The following MYH15 variants were observed in gnomAD, a reference collection of about 807,000 sequenced individuals.
MYH15 encodes the protein myosin-15.
MYH15 carries 227 observed loss-of-function variants against 240.5 expected under a neutral mutation model. That is an observed-to-expected ratio of 0.94 (90% CI 0.85 to 1.05). The LOEUF (loss-of-function observed/expected upper bound fraction) is 1.05, where lower values mean the gene tolerates loss of function less well. Ranked by LOEUF, MYH15 falls within the 50% of genes least tolerant of loss-of-function variation. The pLI is 0.00. For synonymous variants in MYH15, 785 were observed against 796.7 expected (o/e 0.99, Z 0.25); for missense variants, 2,217 against 2,247.5 (o/e 0.99, Z 0.27).
intron 18 of MYH15, among the ~76,000 whole-genome samples, chr3:108,459,156 C>T (rs1005417420): frequency 9.9e-5 from 15 of 152,090 alleles, no homozygotes; most frequent in African/African-American, 3.1e-4. Context: ...CAATTGAGAC[C>T]GCTTTGTGAA....
At chr3:108,470,906 G>A in intron 12 of MYH15, 59 bp from the exon 13 acceptor site, 2 of 1,553,834 alleles carry the variant, frequency 1.3e-6, no homozygotes, top group Admixed American at 3.5e-5. Context: ...TTAATCCCGG[G>A]CATTCTCTAT....
intron 27 of MYH15, among the ~76,000 whole-genome samples, chr3:108,427,635 C>CACAGAGAGAGAG (rs570359637): frequency 0.086 from 12,595 of 146,448 alleles, 625 homozygotes; most frequent in South Asian, 0.16. Flanking sequence ...CACACACACA[C>CACAGAGAGAGAG]AGAGAGAGAG....
chr3:108,505,304 C>G (rs2083467013), intron 2 of MYH15, among the ~76,000 whole-genome samples: 1 of 152,158 alleles, frequency 6.6e-6, no homozygotes, highest in African/African-American at 2.4e-5. Flanking sequence ...CAGGATCTCA[C>G]TCTGGTTGCC....
chr3:108,447,092 A>T (rs949225189), intron 21 of MYH15, among the ~76,000 whole-genome samples: 1 of 152,210 alleles, frequency 6.6e-6, no homozygotes, highest in Admixed American at 6.5e-5. Context: ...GGACTGAAAA[A>T]ATTCCATGGA....
upstream of MYH15, among the ~76,000 whole-genome samples, chr3:108,534,060 T>C (rs953622990): frequency 6.6e-6 from 1 of 152,222 alleles, no homozygotes; most frequent in African/African-American, 2.4e-5. Flanking sequence ...ATTCCTGCTT[T>C]CCATTCATGG....
At chr3:108,389,396 T>C (rs1368413850) in intron 37 of MYH15, among the ~76,000 whole-genome samples, 1 of 152,228 alleles carries the variant, frequency 6.6e-6, no homozygotes, top group Non-Finnish European at 1.5e-5. Context: ...AAGCAATGTG[T>C]AGCCCATTTG....
chr3:108,408,188 A>G, intron 32 of MYH15, 92 bp downstream of exon 32: 1 of 1,376,722 alleles, frequency 7.3e-7, no homozygotes, highest in Non-Finnish European at 9.9e-7. Context: ...ACATTTGAAT[A>G]CGTGTCCTTT....
At chr3:108,515,944 T>A (rs142264554) in intron 1 of MYH15, among the ~76,000 whole-genome samples, 193 of 152,240 alleles carry the variant, frequency 1.3e-3, no homozygotes, top group African/African-American at 4.4e-3. Flanking sequence ...TCCTGAAAGG[T>A]CACACTTTCT....
At position 108,441,095 on chromosome 3, in the gene MYH15, C is replaced by G; in HGVS notation, c.2821G>C (p.Glu941Gln). 1 of 1,614,184 alleles carries G rather than the reference C, an allele frequency of 6.2e-7. No homozygotes were observed. The highest frequency in any genetic ancestry group is 1.1e-5 in the South Asian group (1 of 91,076). Residue 941 changes from glutamate to glutamine, a missense_variant, in exon 23 of 41, where the codon GAG becomes CAG. By Grantham distance (29) the Glu-to-Gln change is conservative. Transcript: ENST00000693548. ...RGRKLEDECF[E>Q]LKKEIDDLET... ...AGGTCATCGATTTCTTTCTTCAACT[C>G]AAAACATTCATCTTCGAGTTTCCGC...
the MYH15 span, among the ~76,000 whole-genome samples, chr3:108,547,142 G>C: frequency 6.6e-6 from 1 of 151,816 alleles, no homozygotes; most frequent in Non-Finnish European, 1.5e-5. Flanking sequence ...ACTGCAGCCC[G>C]AGGGACATGT....
At chr3:108,518,132 G>C (rs1052969925) in intron 1 of MYH15, among the ~76,000 whole-genome samples, 1 of 152,164 alleles carries the variant, frequency 6.6e-6, no homozygotes, top group Non-Finnish European at 1.5e-5. Context: ...CAGGAACTAG[G>C]TTAAGTGTTT....
intron 32 of MYH15, among the ~76,000 whole-genome samples, 187 bp downstream of exon 32, chr3:108,408,093 C>T (rs546323894): frequency 2.0e-5 from 3 of 152,330 alleles, no homozygotes; most frequent in African/African-American, 7.2e-5. Context: ...TCAATTTCCT[C>T]TTTTATAAAA....
At chr3:108,529,983 T>C (rs966111007), upstream of MYH15, among the ~76,000 whole-genome samples, 2 of 152,136 alleles carry the variant, frequency 1.3e-5, no homozygotes, top group Non-Finnish European at 2.9e-5. Context: ...AGTGTAGTGA[T>C]CTGTGCATGT....
rs377395747 is a variant in MYH15, at chr3:108,495,746, A to G, written c.711+34T>C. 56 of 1,529,316 alleles carry G rather than the reference A, an allele frequency of 3.7e-5. No individual in the cohort carries two copies. The African/African-American group carries it at 7.4e-4, about 20-fold the overall frequency. 94.7% of individuals were successfully genotyped at this position (1,529,316 alleles called of 1,614,324 possible). Reference sequence around the variant, plus strand: ...AGTTTTACCATTGCTTACAAATTAAATACTTTGATATTATGCTAAATCATG... The same window carrying G: ...AGTTTTACCATTGCTTACAAATTAAGTACTTTGATATTATGCTAAATCATG... On this transcript the variant is annotated intron_variant, in intron 7 of 40. Transcript: ENST00000693548.
intron 21 of MYH15, among the ~76,000 whole-genome samples, chr3:108,448,222 A>G (rs12634069): frequency 0.088 from 13,390 of 152,106 alleles, 1,332 homozygotes; most frequent in East Asian, 0.53. Flanking sequence ...AAAAAGTTGT[A>G]AAACAATTAA....
chr3:108,439,773 G>C lies in MYH15; in HGVS notation c.3039C>G (p.Ser1013Arg), dbSNP rs920191078. 2 of 1,610,054 alleles carry C rather than the reference G, an allele frequency of 1.2e-6. No homozygotes were observed. Among genetic ancestry groups the C allele is most frequent in the African/African-American group, 2.7e-5 (2 of 74,874 alleles). The change falls in exon 24 of 41, where the codon AGC (serine) becomes AGG (arginine). Residue 1013 changes from serine (S) to arginine (R), a missense_variant. By Grantham distance (110) the Ser-to-Arg change is moderately radical. Coordinates refer to ENST00000693548, the MANE Select transcript of MYH15 (RefSeq NM_014981.3). ...GCTGTTCCAGCTTCAGATTTGCTTT[G>C]CTCAGGCTGCTGAGCTTCTCCTCCT... ...HMEEEKLSSLSKANLKLEQQV... is the reference protein window; with the variant it reads ...HMEEEKLSSLRKANLKLEQQV...
At chr3:108,540,635 A>G in the MYH15 span, among the ~76,000 whole-genome samples, 1 of 152,238 alleles carries the variant, frequency 6.6e-6, no homozygotes, top group Admixed American at 6.5e-5. Context: ...AATTTTTAGT[A>G]AAATAGAAAT....
At chr3:108,544,920 T>G in the MYH15 span, among the ~76,000 whole-genome samples, 1 of 152,176 alleles carries the variant, frequency 6.6e-6, no homozygotes, top group African/African-American at 2.4e-5. Flanking sequence ...TCAAAAGAGC[T>G]GGGAACATAA....
chr3:108,398,837 G>T lies in MYH15; in HGVS notation c.4933C>A (p.Leu1645Ile). ...GTGCTGTCATCCAGCTGCATTTGAA[G>T]GTCCTGGGAGAGAAAAGATGGGTCT... Reference protein sequence around the residue: ...LGQLQIQIKDLQMQLDDSTQL... With the variant: ...LGQLQIQIKDIQMQLDDSTQL... Residue 1645 changes from leucine to isoleucine, a missense_variant, in exon 35 of 41, where the codon CTT (leucine) becomes ATT (isoleucine). Coordinates refer to ENST00000693548, the MANE Select transcript of MYH15 (RefSeq NM_014981.3). 6.2e-7 allele frequency: 1 copy of T among 1,614,142 alleles called. No individual in the cohort carries two copies. Among genetic ancestry groups the T allele is most frequent in the Non-Finnish European group, 8.5e-7 (1 of 1,180,008 alleles).
Sources: allele counts gnomAD v4.1 joint callset (sites outside exome capture counted in the v4.1 genomes callset), GRCh38; gene constraint gnomAD v4.1.1; transcripts MANE v1.5; gene names NCBI Gene and HGNC (gene_info 2026-07-23, HGNC 2026-07-21).